The following LRRC4C variants were observed in gnomAD, a reference collection of about 807,000 sequenced individuals.
LRRC4C encodes the protein leucine rich repeat containing 4C.
Under a neutral mutation model 33.6 loss-of-function variants are expected in LRRC4C, and 5 were observed. The ratio of observed to expected loss-of-function variants is 0.15; its 90% confidence interval spans 0.08 to 0.31. The LOEUF is 0.31. Ranked by LOEUF, LRRC4C falls within the 10% of genes least tolerant of loss-of-function variation. The pLI, the probability that LRRC4C is intolerant of heterozygous loss-of-function variation, is 1.00. For synonymous variants in LRRC4C, 329 were observed against 302.0 expected (o/e 1.09, Z -0.93); for missense variants, 560 against 796.7 (o/e 0.70, Z 3.58).
At chr11:40,532,509 A>G (rs1956310343) in intron 3 of LRRC4C, among the ~76,000 whole-genome samples, 1 of 151,992 alleles carries the variant, frequency 6.6e-6, no homozygotes, top group Non-Finnish European at 1.5e-5. Context: ...GGTGAAGAGA[A>G]ATGAGAAAAT....
At position 40,689,271 on chromosome 11, in the gene LRRC4C, A is replaced by G. The variant is rs74475289; in HGVS notation, c.-406-40993T>C. Among the ~76,000 whole-genome samples, 922 of 152,172 alleles carry G rather than the reference A, an allele frequency of 6.1e-3. 17 individuals carry two copies. The highest frequency in any genetic ancestry group is 0.021 in the African/African-American group (886 of 41,534). The stretch of plus-strand genomic sequence containing the variant: ...TTGTGGAGGCTTAGAGAGGCTCAGC[A>G]GGTAAGAATGTGGGATTTGAACTCA... On this transcript the variant is annotated intron_variant, in intron 2 of 6. Transcript: ENST00000528697.
At chr11:40,940,208 T>C (rs2136576704) in intron 1 of LRRC4C, among the ~76,000 whole-genome samples, 1 of 152,284 alleles carries the variant, frequency 6.6e-6, no homozygotes, top group Non-Finnish European at 1.5e-5. Flanking sequence ...AGTACCTAAC[T>C]AATGGGCTTG....
At chr11:40,630,556 T>C (rs1271506720) in intron 3 of LRRC4C, among the ~76,000 whole-genome samples, 1 of 152,084 alleles carries the variant, frequency 6.6e-6, no homozygotes, top group African/African-American at 2.4e-5. Flanking sequence ...TCATTATCAC[T>C]ATTTGGTAAT....
chr11:40,772,233 G>T (rs889539854), intron 2 of LRRC4C, among the ~76,000 whole-genome samples: 17 of 152,282 alleles, frequency 1.1e-4, no homozygotes, highest in African/African-American at 3.8e-4. Context: ...GGAGGAGAGA[G>T]AAGTGCAGAG....
chr11:40,606,892 G>A (rs1460916319), intron 3 of LRRC4C, among the ~76,000 whole-genome samples: 1 of 152,000 alleles, frequency 6.6e-6, no homozygotes, highest in African/African-American at 2.4e-5. Context: ...CCAAATAAAT[G>A]AACACAGAGA....
At chr11:41,226,538 CAG>C (rs1393168051) in intron 1 of LRRC4C, among the ~76,000 whole-genome samples, 1 of 152,128 alleles carries the variant, frequency 6.6e-6, no homozygotes, top group African/African-American at 2.4e-5. Flanking sequence ...TGTCAGTACT[CAG>C]AGTTCAACTT....
In LRRC4C at chr11:41,056,805, G is replaced by A. The variant is rs149129923; in HGVS notation, c.-495-123082C>T. Among the ~76,000 whole-genome samples, 1,354 of 152,308 alleles carry A rather than the reference G, an allele frequency of 8.9e-3. 22 individuals are homozygous for A. The highest frequency in any genetic ancestry group is 0.03 in the African/African-American group (1,245 of 41,558). On this transcript the variant is annotated intron_variant, in intron 1 of 6. Coordinates refer to ENST00000528697, the MANE Select transcript of LRRC4C (RefSeq NM_001258419.2). ...ATGGAGAAAAGGGAACACATATACT[G>A]CTGGTAATGGCAGTGATGGGCCATC...
At chr11:41,020,712 C>T (rs1855899475) in intron 1 of LRRC4C, among the ~76,000 whole-genome samples, 1 of 152,138 alleles carries the variant, frequency 6.6e-6, no homozygotes, top group Non-Finnish European at 1.5e-5. Flanking sequence ...CTGTAAGGTA[C>T]TTTGTTTAAA....
chr11:41,052,222 G>C (rs1431688585), intron 1 of LRRC4C, among the ~76,000 whole-genome samples: 1 of 152,042 alleles, frequency 6.6e-6, no homozygotes, highest in Admixed American at 6.6e-5. Context: ...TACTTCCTTT[G>C]CAAATATAAA....
In LRRC4C at chr11:40,734,266, A is replaced by C. The variant is rs138012920; in HGVS notation, c.-406-85988T>G. ...TTATTAAACCCCCTGTAAGCCAAAA[A>C]CAATGTATGGAATTTGACAGTGACA... On this transcript the variant is annotated intron_variant, in intron 2 of 6. Coordinates refer to ENST00000528697, the MANE Select transcript of LRRC4C (RefSeq NM_001258419.2). Among the ~76,000 whole-genome samples, 90 of 152,270 alleles carry C rather than the reference A, an allele frequency of 5.9e-4. 4 individuals carry two copies. In the East Asian group the frequency reaches 0.012, roughly 20 times the overall value.
Position 40,116,025 on chromosome 11 carries a change from T to C in LRRC4C, c.268A>G (p.Ile90Val), listed in dbSNP as rs756376159. The C allele has an allele frequency of 7.7e-5, 125 of 1,614,032 alleles. 1 individual carries two copies. The Admixed American group carries it at 2.1e-3, about 27-fold the overall frequency. Residue 90 changes from isoleucine (I) to valine (V), a missense_variant, in exon 7 of 7, where the codon ATC (isoleucine) becomes GTC (valine). Ile to Val is a conservative substitution (Grantham distance 29). Coordinates refer to ENST00000528697, the MANE Select transcript of LRRC4C (RefSeq NM_001258419.2). The part of the protein sequence containing the change: ...LLNLHENQIQ[I>V]IKVNSFKHLR... The stretch of plus-strand genomic sequence containing the variant: ...TGCTTGAAGCTGTTCACTTTGATGA[T>C]CTGGATTTGGTTCTCATGGAGGTTC...
intron 1 of LRRC4C, among the ~76,000 whole-genome samples, chr11:41,395,627 A>G (rs527486521): frequency 1.1e-4 from 16 of 152,156 alleles, no homozygotes; most frequent in Non-Finnish European, 1.6e-4. Context: ...TTTTACAAAG[A>G]GTAAAATATC....
At chr11:40,869,171 C>A (rs977007993) in intron 2 of LRRC4C, among the ~76,000 whole-genome samples, 2 of 152,106 alleles carry the variant, frequency 1.3e-5, no homozygotes, top group African/African-American at 2.4e-5. Context: ...TTACCTGAAG[C>A]AAACACAACC....
At chr11:41,402,817 C>A (rs1250854098) in intron 1 of LRRC4C, among the ~76,000 whole-genome samples, 1 of 151,960 alleles carries the variant, frequency 6.6e-6, no homozygotes, top group East Asian at 1.9e-4. Flanking sequence ...TGATACTGAA[C>A]TATATACCTT....
chr11:41,268,366 G>A (rs1198827761), intron 1 of LRRC4C, among the ~76,000 whole-genome samples: 1 of 151,996 alleles, frequency 6.6e-6, no homozygotes, highest in Non-Finnish European at 1.5e-5. Flanking sequence ...GCTGTTGTGT[G>A]CTTTACTGAC....
chr11:40,812,583 ATTC>A (rs1468747850), intron 2 of LRRC4C, among the ~76,000 whole-genome samples: 1 of 152,190 alleles, frequency 6.6e-6, no homozygotes, highest in Non-Finnish European at 1.5e-5. Flanking sequence ...ATTATGTAAT[ATTC>A]TTCTCAAACA....
chr11:40,776,945 A>T (rs1950024650), intron 2 of LRRC4C, among the ~76,000 whole-genome samples: 1 of 152,142 alleles, frequency 6.6e-6, no homozygotes, highest in Admixed American at 6.5e-5. Flanking sequence ...CACTTATTTC[A>T]AAGAATTTTT....
intron 1 of LRRC4C, among the ~76,000 whole-genome samples, chr11:41,079,713 C>G (rs1939421816): frequency 6.6e-6 from 1 of 152,132 alleles, no homozygotes; most frequent in Non-Finnish European, 1.5e-5. Flanking sequence ...GAATGCAGAC[C>G]AGGATGGCTT....
At chr11:40,707,605 G>A (rs576848419) in intron 2 of LRRC4C, among the ~76,000 whole-genome samples, 2 of 152,138 alleles carry the variant, frequency 1.3e-5, no homozygotes, top group Admixed American at 1.3e-4. Context: ...TGCTGGATTT[G>A]GTTTGCCAGT....
Sources: gnomAD v4.1 joint callset for allele counts (sites outside exome capture counted in the v4.1 genomes callset) on GRCh38, gnomAD v4.1.1 for gene constraint, MANE v1.5 for transcripts, NCBI Gene and HGNC (gene_info 2026-07-23, HGNC 2026-07-21) for gene names.